GSE1: variants seen among roughly 807,000 people sequenced by gnomAD.
GSE1 encodes the protein genetic suppressor element 1.
A neutral mutation model predicts 112.6 loss-of-function variants in GSE1; 32 were observed. The ratio of observed to expected loss-of-function variants is 0.28; its 90% confidence interval spans 0.21 to 0.38. GSE1 has a LOEUF of 0.38. Ranked by LOEUF, GSE1 falls within the 10% of genes least tolerant of loss-of-function variation. The pLI, the probability that GSE1 is intolerant of heterozygous loss-of-function variation, is 1.00. For synonymous variants in GSE1, 1,115 were observed against 735.6 expected (o/e 1.52, Z -8.35); for missense variants, 2,348 against 1,699.2 (o/e 1.38, Z -6.71).
At chr16:85,493,343 G>C (rs1433997825) in intron 2 of GSE1, among the ~76,000 whole-genome samples, 3 of 152,104 alleles carry the variant, frequency 2.0e-5, no homozygotes. Context: ...CTACTTGGGA[G>C]GCCAAGGCAG....
intron 1 of GSE1, among the ~76,000 whole-genome samples, chr16:85,625,602 A>T (rs369067847): frequency 2.6e-5 from 4 of 152,138 alleles, no homozygotes; most frequent in Non-Finnish European, 5.9e-5. Flanking sequence ...GTTCTTCTGC[A>T]GAACACGGCC....
chr16:85,197,164 G>A (rs1261116221), intron 1 of GSE1, among the ~76,000 whole-genome samples: 3 of 152,122 alleles, frequency 2.0e-5, no homozygotes, highest in Non-Finnish European at 2.9e-5. Flanking sequence ...GGAGCCTGGC[G>A]GGGAAGCCAG....
At chr16:85,198,137 G>C (rs756249337) in intron 1 of GSE1, among the ~76,000 whole-genome samples, 4 of 152,152 alleles carry the variant, frequency 2.6e-5, no homozygotes, top group African/African-American at 4.8e-5. Flanking sequence ...GGTGGCAGAA[G>C]GGAAGGAAGA....
chr16:85,664,269 C>G (rs1293004680), intron 11 of GSE1, among the ~76,000 whole-genome samples: 2 of 152,246 alleles, frequency 1.3e-5, no homozygotes, highest in African/African-American at 2.4e-5. Context: ...CGCACGCTTT[C>G]AAGTCCTCGT....
intron 1 of GSE1, among the ~76,000 whole-genome samples, chr16:85,349,186 C>T (rs921093872): frequency 6.6e-6 from 1 of 152,184 alleles, no homozygotes; most frequent in Non-Finnish European, 1.5e-5. Flanking sequence ...GTCTGCTTAT[C>T]AGGGACTCTG....
intron 1 of GSE1, among the ~76,000 whole-genome samples, chr16:85,340,798 A>C (rs1316915957): frequency 6.6e-6 from 1 of 151,072 alleles, no homozygotes; most frequent in Non-Finnish European, 1.5e-5. Flanking sequence ...TCAGGCTGAC[A>C]GGCTCTGCAG....
chr16:85,568,527 T>A (rs2045852917), intron 1 of GSE1, among the ~76,000 whole-genome samples: 1 of 152,226 alleles, frequency 6.6e-6, no homozygotes, highest in South Asian at 2.1e-4. Flanking sequence ...ATTATTAATT[T>A]GGGCCAGAAA....
At chr16:85,670,266 T>G (rs1567770207) in intron 14 of GSE1, among the ~76,000 whole-genome samples, 1 of 152,208 alleles carries the variant, frequency 6.6e-6, no homozygotes, top group Non-Finnish European at 1.5e-5. Flanking sequence ...TGTCTGATTG[T>G]CTTGTCACTC....
intron 1 of GSE1, among the ~76,000 whole-genome samples, chr16:85,325,921 G>T (rs2046218060): frequency 1.3e-5 from 2 of 151,628 alleles, no homozygotes; most frequent in Non-Finnish European, 2.9e-5. Context: ...GCTAATTTTT[G>T]TATTTTTAGT....
intron 2 of GSE1, among the ~76,000 whole-genome samples, chr16:85,550,696 T>C (rs1401537605): frequency 6.6e-6 from 1 of 152,214 alleles, no homozygotes; most frequent in African/African-American, 2.4e-5. Context: ...TCCCAGCACG[T>C]GCTGGGAGGC....
At chr16:85,607,075 GGGAGGGAGGAGGGGGAGGGGAGCTGCA>G (rs1219118916), upstream of GSE1, among the ~76,000 whole-genome samples, 7 of 139,680 alleles carry the variant, frequency 5.0e-5, no homozygotes, top group African/African-American at 1.8e-4. Flanking sequence ...TGGGGGGGGC[GGGAGGGAGGAGGGGGAGGGGAGCTGCA>G]GGAGGGAGGA....
intron 1 of GSE1, among the ~76,000 whole-genome samples, chr16:85,295,820 A>G (rs2045350869): frequency 6.9e-6 from 1 of 145,232 alleles, no homozygotes; most frequent in Non-Finnish European, 1.5e-5. Context: ...GCCCAGGCTG[A>G]TCTGGAACTC....
intron 2 of GSE1, among the ~76,000 whole-genome samples, chr16:85,416,014 G>A (rs1037742015): frequency 1.3e-5 from 2 of 152,142 alleles, no homozygotes; most frequent in African/African-American, 4.8e-5. Flanking sequence ...GCGGCACTGT[G>A]GGCAGGAGAA....
At chr16:85,432,437 C>T (rs943177748) in intron 2 of GSE1, among the ~76,000 whole-genome samples, 23 of 152,236 alleles carry the variant, frequency 1.5e-4, no homozygotes, top group South Asian at 2.1e-4. Context: ...GAGCTTGAAG[C>T]TCTGACCCAG....
chr16:85,246,244 C>CACACAA (rs1407133059), intron 1 of GSE1, among the ~76,000 whole-genome samples: 1 of 133,718 alleles, frequency 7.5e-6, no homozygotes, highest in Non-Finnish European at 1.6e-5. Flanking sequence ...CACACGCACA[C>CACACAA]CACACGCTGT....
chr16:85,294,272 A>T (rs552866674), intron 1 of GSE1, among the ~76,000 whole-genome samples: 43 of 152,148 alleles, frequency 2.8e-4, no homozygotes, highest in Non-Finnish European at 4.1e-4. Context: ...GTCAGAGTCC[A>T]CCTCTGGTTT....
At chr16:85,258,636 G>A (rs1907336241) in intron 1 of GSE1, among the ~76,000 whole-genome samples, 1 of 152,170 alleles carries the variant, frequency 6.6e-6, no homozygotes, top group African/African-American at 2.4e-5. Flanking sequence ...TTCTCCGCCT[G>A]TGGGAGGAGG....
At chr16:85,636,509 C>T (rs776425159) in intron 2 of GSE1, among the ~76,000 whole-genome samples, 3 of 152,204 alleles carry the variant, frequency 2.0e-5, no homozygotes, top group African/African-American at 4.8e-5. Flanking sequence ...GCACCTGGTC[C>T]CCATTCTCAT....
chr16:85,230,383 A>G (rs138818606), intron 1 of GSE1, among the ~76,000 whole-genome samples: 9 of 152,180 alleles, frequency 5.9e-5, no homozygotes, highest in African/African-American at 2.2e-4. Context: ...GGTTTGTGTT[A>G]CCCACGCCCC....
Sources: allele counts gnomAD v4.1 joint callset (sites outside exome capture counted in the v4.1 genomes callset), GRCh38; gene constraint gnomAD v4.1.1; transcripts MANE v1.5; gene names NCBI Gene and HGNC (gene_info 2026-07-23, HGNC 2026-07-21).